GREB1L: variants seen among roughly 807,000 people sequenced by gnomAD.
The protein encoded by GREB1L is GREB1-like protein.
Under a neutral mutation model 200.8 loss-of-function variants are expected in GREB1L, and 17 were observed. The ratio of observed to expected loss-of-function variants is 0.08; its 90% CI spans 0.06 to 0.13. GREB1L has a LOEUF of 0.13. Ranked by LOEUF, GREB1L falls within the 10% of genes least tolerant of loss-of-function variation. The probability of loss-of-function intolerance (pLI) is 1.00; values close to 1 mark genes in which losing one functional copy is unlikely to be tolerated. For missense variants in GREB1L, 1,657 were observed against 2,367.7 expected (o/e 0.70, Z 6.23); for synonymous variants, 789 against 893.0 (o/e 0.88, Z 2.08).
intron 1 of GREB1L, among the ~76,000 whole-genome samples, chr18:21,282,269 A>G (rs2038282778): frequency 6.6e-6 from 1 of 152,118 alleles, no homozygotes; most frequent in African/African-American, 2.4e-5. Flanking sequence ...GCAAGACCCC[A>G]TCTCTTAAAA....
chr18:21,335,666 C>CTT (rs746907148), intron 1 of GREB1L, among the ~76,000 whole-genome samples: 1 of 139,332 alleles, frequency 7.2e-6, no homozygotes, highest in Non-Finnish European at 1.6e-5. Context: ...TTCTTTTTTT[C>CTT]TTTTTTTTTT....
At chr18:21,274,376 GTA>G (rs149804804) in intron 1 of GREB1L, among the ~76,000 whole-genome samples, 4 of 150,806 alleles carry the variant, frequency 2.7e-5, no homozygotes, top group Middle Eastern at 3.4e-3. Flanking sequence ...CAAATACCAA[GTA>G]TATATATATA....
chr18:21,425,908 A>G (rs1349970041), intron 7 of GREB1L, among the ~76,000 whole-genome samples: 1 of 151,930 alleles, frequency 6.6e-6, no homozygotes, highest in Admixed American at 6.6e-5. Flanking sequence ...ATTCATGTAT[A>G]TTTTCTTTTG....
intron 25 of GREB1L, among the ~76,000 whole-genome samples, chr18:21,507,539 T>C (rs1336169985): frequency 6.6e-6 from 1 of 152,210 alleles, no homozygotes; most frequent in Non-Finnish European, 1.5e-5. Context: ...ACGTGAACTC[T>C]GCAGCACTTT....
At chr18:21,285,056 T>G (rs1352070021) in intron 1 of GREB1L, among the ~76,000 whole-genome samples, 1 of 152,200 alleles carries the variant, frequency 6.6e-6, no homozygotes, top group Non-Finnish European at 1.5e-5. Flanking sequence ...GTAAGAATTC[T>G]TTACATATTC....
intron 1 of GREB1L, among the ~76,000 whole-genome samples, chr18:21,254,221 C>T (rs1352306793): frequency 2.0e-5 from 3 of 151,870 alleles, no homozygotes; most frequent in Non-Finnish European, 4.4e-5. Flanking sequence ...AGGCACACTT[C>T]ATCACACCCA....
At chr18:21,404,048 CTT>C in intron 7 of GREB1L, 54 bp downstream of exon 7, 1 of 1,466,166 alleles carries the variant, frequency 6.8e-7, no homozygotes, top group Non-Finnish European at 9.3e-7. Flanking sequence ...TTTAATGAGA[CTT>C]TTTAAAATAT....
At chr18:21,480,657 T>C (rs1309728321) in intron 17 of GREB1L, among the ~76,000 whole-genome samples, 3 of 152,172 alleles carry the variant, frequency 2.0e-5, no homozygotes, top group African/African-American at 7.2e-5. Context: ...AGCAAATTAA[T>C]TTAATTCAAA....
chr18:21,389,340 T>G (rs1463598731), intron 4 of GREB1L, among the ~76,000 whole-genome samples: 18 of 148,086 alleles, frequency 1.2e-4, no homozygotes, highest in Non-Finnish European at 4.5e-5. Flanking sequence ...TGGGTTTTTT[T>G]TTTTTTTTTT....
intron 11 of GREB1L, among the ~76,000 whole-genome samples, chr18:21,445,119 C>A (rs555311059): frequency 2.6e-5 from 4 of 152,326 alleles, no homozygotes; most frequent in South Asian, 2.1e-4. Flanking sequence ...TTGCAAATGG[C>A]AGTAGGCCAT....
chr18:21,490,333 C>G lies in GREB1L; in HGVS notation c.3012C>G (p.His1004Gln). 1 of 1,551,216 alleles carries G rather than the reference C, an allele frequency of 6.4e-7. No individual in the cohort carries two copies. The highest frequency in any genetic ancestry group is 1.4e-5 in the African/African-American group (1 of 73,136). The change falls in exon 19 of 33, where the codon CAC becomes CAG. Residue 1004 changes from histidine (H) to glutamine (Q), a missense_variant. By Grantham distance (24) the His-to-Gln change is conservative. Transcript: ENST00000424526. Reference sequence around the variant, plus strand: ...CCACCGAACTCAGTGTTGCAACTCACTTTGTGGCGCGATTAAAGGTTAGCA... The same window carrying G: ...CCACCGAACTCAGTGTTGCAACTCAGTTTGTGGCGCGATTAAAGGTTAGCA... ...NPATELSVAT[H>Q]FVARLKSWRG...
chr18:21,399,714 A>G (rs1257091569), intron 5 of GREB1L, among the ~76,000 whole-genome samples: 1 of 152,214 alleles, frequency 6.6e-6, no homozygotes, highest in Non-Finnish European at 1.5e-5. Flanking sequence ...TGTTAATTCT[A>G]TGTGATTGAC....
In GREB1L at chr18:21,444,264, C is replaced by T; in HGVS notation, c.1248C>T (p.Asp416=). 6.4e-7 allele frequency: 1 copy of T among 1,551,612 alleles called. No individual in the cohort carries two copies. Among genetic ancestry groups the T allele is most frequent in the Non-Finnish European group, 8.7e-7 (1 of 1,146,792 alleles). The change falls in exon 11 of 33, where the codon GAC becomes GAT. Residue 416 remains aspartate, a synonymous_variant. Transcript: ENST00000424526. ...CCTATTTCTATGGAAATGTTGGTGACATTGTTGTGAGTCCTCTGCTGGTGA... is the reference window on the plus strand; with the variant it reads ...CCTATTTCTATGGAAATGTTGGTGATATTGTTGTGAGTCCTCTGCTGGTGA... ...TLPYFYGNVG[D]IVVSPLLVNC...
At chr18:21,349,647 T>C (rs1310785010) in intron 1 of GREB1L, among the ~76,000 whole-genome samples, 1 of 151,998 alleles carries the variant, frequency 6.6e-6, no homozygotes, top group African/African-American at 2.4e-5. Context: ...AAACCTATCA[T>C]GAACTGTGTG....
chr18:21,505,774 A>G (rs1355914141), intron 24 of GREB1L, 36 bp from the exon 25 acceptor site: 3 of 1,536,560 alleles, frequency 2.0e-6, no homozygotes, highest in East Asian at 4.9e-5. Context: ...AAAACATGTT[A>G]TCTCATGGGA....
chr18:21,521,727 G>A (rs1226913861), intron 32 of GREB1L, among the ~76,000 whole-genome samples: 3 of 151,994 alleles, frequency 2.0e-5, no homozygotes, highest in African/African-American at 7.3e-5. Flanking sequence ...AACAAGGCTA[G>A]GTGTGATGGC....
chr18:21,268,531 AC>A (rs2038014687), intron 1 of GREB1L, among the ~76,000 whole-genome samples: 1 of 82,780 alleles, frequency 1.2e-5, no homozygotes, highest in South Asian at 4.1e-4. Flanking sequence ...ATACACACAC[AC>A]ACACACACAC....
intron 27 of GREB1L, among the ~76,000 whole-genome samples, chr18:21,512,261 A>G (rs905941435): frequency 1.3e-5 from 2 of 152,234 alleles, no homozygotes; most frequent in Non-Finnish European, 2.9e-5. Context: ...CATTAAGGCT[A>G]TGGATCACTT....
intron 1 of GREB1L, among the ~76,000 whole-genome samples, chr18:21,262,068 T>C (rs1425867930): frequency 6.6e-6 from 1 of 152,132 alleles, no homozygotes; most frequent in African/African-American, 2.4e-5. Context: ...TAGTAACCAG[T>C]AAGGATGCAA....
Sources: gnomAD v4.1 joint callset for allele counts (sites outside exome capture counted in the v4.1 genomes callset) on GRCh38, gnomAD v4.1.1 for gene constraint, MANE v1.5 for transcripts, NCBI Gene and HGNC (gene_info 2026-07-23, HGNC 2026-07-21) for gene names.